The following ZFPM2 variants were observed in gnomAD, a reference collection of about 807,000 sequenced individuals.
The protein encoded by ZFPM2 is zinc finger protein ZFPM2.
In ZFPM2, 20 loss-of-function variants were observed where a neutral mutation model predicts 98.6. The ratio of observed to expected loss-of-function variants is 0.20; its 90% CI spans 0.14 to 0.29. The LOEUF is 0.29. Among genes scored for constraint, ZFPM2 ranks in the 10% least tolerant of loss-of-function variants. ZFPM2 has a pLI of 1.00. For missense variants in ZFPM2, 1,310 were observed against 1,388.6 expected (o/e 0.94, Z 0.90); for synonymous variants, 518 against 502.7 (o/e 1.03, Z -0.41).
chr8:105,637,110 A>G (rs1816861252), intron 5 of ZFPM2, among the ~76,000 whole-genome samples: 1 of 152,156 alleles, frequency 6.6e-6, no homozygotes, highest in African/African-American at 2.4e-5. Flanking sequence ...AATGAAATAG[A>G]TAGTATTTTC....
In ZFPM2 at chr8:105,766,118, G is replaced by A. The variant is rs567762330; in HGVS notation, c.533-22600G>A. ...ATTTTGAGTAAAAGAAGGGATTAAA[G>A]TGCAGAGCATGGAGGGAGAATGAGG... On this transcript the variant is annotated intron_variant, in intron 5 of 7. Transcript: ENST00000407775. 3.5e-4 allele frequency among the ~76,000 whole-genome samples: 53 copies of A among 152,016 alleles called. 1 individual carries two copies. The South Asian group carries it at 0.011, about 31-fold the overall frequency.
intron 1 of ZFPM2, among the ~76,000 whole-genome samples, chr8:105,364,236 A>G (rs770592138): frequency 2.0e-5 from 3 of 152,122 alleles, no homozygotes; most frequent in Admixed American, 6.6e-5. Context: ...TTATAATGCT[A>G]TAACATACTG....
At chr8:105,576,831 G>A (rs565779206) in intron 4 of ZFPM2, among the ~76,000 whole-genome samples, 25 of 152,224 alleles carry the variant, frequency 1.6e-4, no homozygotes, top group African/African-American at 6.0e-4. Context: ...TGAAAGAGTA[G>A]GGATGGTCCC....
At position 105,514,322 on chromosome 8, in the gene ZFPM2, T is replaced by C. The variant is rs1813875923; in HGVS notation, c.302-47041T>C. The stretch of plus-strand genomic sequence containing the variant: ...CTGGTCGTGTCTTTTTTTTTTTTTT[T>C]TTTTTTTTTTTTTTAAATAAGGGAG... On this transcript the variant is annotated intron_variant, in intron 3 of 7. Transcript: ENST00000407775. Among the ~76,000 whole-genome samples, 6 of 68,048 alleles carry C rather than the reference T, an allele frequency of 8.8e-5. No homozygotes were observed. In the Admixed American group the frequency reaches 9.1e-4, roughly 10 times the overall value. 44.6% of individuals were successfully genotyped at this position (68,048 alleles called of 152,430 possible).
intron 1 of ZFPM2, among the ~76,000 whole-genome samples, chr8:105,328,585 C>T (rs757050138): frequency 6.6e-6 from 1 of 151,724 alleles, no homozygotes; most frequent in African/African-American, 2.4e-5. Context: ...AGCCAGCTAA[C>T]CTAGATTTGG....
At chr8:105,463,014 A>G (rs1812731025) in intron 3 of ZFPM2, among the ~76,000 whole-genome samples, 1 of 152,074 alleles carries the variant, frequency 6.6e-6, no homozygotes, top group African/African-American at 2.4e-5. Context: ...GAGATAAATA[A>G]TAAAAAAAAT....
At chr8:105,731,405 T>A (rs1811934231) in intron 5 of ZFPM2, among the ~76,000 whole-genome samples, 1 of 151,660 alleles carries the variant, frequency 6.6e-6, no homozygotes, top group Non-Finnish European at 1.5e-5. Context: ...GGAAGCATGC[T>A]ATAATATCTG....
chr8:105,487,503 C>T (rs1369332525), intron 3 of ZFPM2, among the ~76,000 whole-genome samples: 3 of 152,056 alleles, frequency 2.0e-5, no homozygotes, highest in African/African-American at 7.2e-5. Flanking sequence ...CTACAGAACA[C>T]GATTTACAGA....
At chr8:105,585,740 G>A (rs1411001782) in intron 4 of ZFPM2, among the ~76,000 whole-genome samples, 6 of 152,056 alleles carry the variant, frequency 3.9e-5, no homozygotes, top group Non-Finnish European at 8.8e-5. Context: ...CTAACATGTG[G>A]GAGGATTGCT....
chr8:105,422,465 A>ATAC (rs386413573), intron 2 of ZFPM2, among the ~76,000 whole-genome samples: 1 of 151,870 alleles, frequency 6.6e-6, no homozygotes, highest in Non-Finnish European at 1.5e-5. Context: ...AATAATAATA[A>ATAC]TATCTTGGGT....
chr8:105,705,795 G>A (rs1811244526), intron 5 of ZFPM2, among the ~76,000 whole-genome samples: 2 of 152,094 alleles, frequency 1.3e-5, no homozygotes, highest in Admixed American at 1.3e-4. Flanking sequence ...AATAGAAGAA[G>A]CGTCAAAACT....
chr8:105,780,170 G>C (rs1369303385), intron 5 of ZFPM2: 9 of 152,166 alleles, frequency 5.9e-5, no homozygotes, highest in Non-Finnish European at 1.5e-5. Context: ...ACTGAGGAGA[G>C]TGACTATGTT....
At chr8:105,320,496 T>G (rs545234239) in intron 1 of ZFPM2, among the ~76,000 whole-genome samples, 25 of 152,340 alleles carry the variant, frequency 1.6e-4, no homozygotes, top group African/African-American at 5.8e-4. Context: ...ACCAATTGCC[T>G]TGTAGTTTTT....
At chr8:105,347,410 T>C (rs183104041) in intron 1 of ZFPM2, among the ~76,000 whole-genome samples, 1 of 152,296 alleles carries the variant, frequency 6.6e-6, no homozygotes, top group East Asian at 1.9e-4. Flanking sequence ...TAATAAGATA[T>C]ATCCATAAAC....
chr8:105,626,503 C>A (rs997215506), intron 4 of ZFPM2, among the ~76,000 whole-genome samples: 9 of 152,014 alleles, frequency 5.9e-5, no homozygotes, highest in African/African-American at 2.2e-4. Context: ...AAGGTCAAAT[C>A]GCGTACAGCA....
At chr8:105,460,002 C>A (rs1219389010) in intron 3 of ZFPM2, among the ~76,000 whole-genome samples, 4 of 152,116 alleles carry the variant, frequency 2.6e-5, no homozygotes, top group Admixed American at 2.6e-4. Flanking sequence ...TCCCTCACCC[C>A]TTGTTCCTAA....
chr8:105,404,790 C>CTAAATTCCGAA (rs1385841809), intron 1 of ZFPM2, among the ~76,000 whole-genome samples: 4 of 152,044 alleles, frequency 2.6e-5, no homozygotes, highest in Non-Finnish European at 5.9e-5. Context: ...ATTCTGAACT[C>CTAAATTCCGAA]ATTAACAGCT....
chr8:105,739,356 T>C (rs541998405), intron 5 of ZFPM2, among the ~76,000 whole-genome samples: 30 of 152,182 alleles, frequency 2.0e-4, no homozygotes, highest in African/African-American at 7.0e-4. Flanking sequence ...TGTAATCTGT[T>C]TCCCCGAATT....
At chr8:105,342,291 C>G (rs1274302604) in intron 1 of ZFPM2, among the ~76,000 whole-genome samples, 1 of 151,984 alleles carries the variant, frequency 6.6e-6, no homozygotes, top group African/African-American at 2.4e-5. Context: ...ATCATTCATT[C>G]AGATTCAGCC....
Sources: gnomAD v4.1 joint callset for allele counts (sites outside exome capture counted in the v4.1 genomes callset) on GRCh38, gnomAD v4.1.1 for gene constraint, MANE v1.5 for transcripts, NCBI Gene and HGNC (gene_info 2026-07-23, HGNC 2026-07-21) for gene names.